Variants in SPAG16 observed in about 807,000 individuals in gnomAD.
SPAG16 encodes the protein sperm associated antigen 16, also known as sperm-associated antigen 16 protein.
Under a neutral mutation model 80.4 loss-of-function variants are expected in SPAG16, and 86 were observed. The ratio of observed to expected loss-of-function variants is 1.07; its 90% CI spans 0.90 to 1.28. SPAG16 has a LOEUF of 1.28. Ranked by LOEUF, SPAG16 falls within the 50% of genes most tolerant of loss-of-function variation. The pLI, the probability that SPAG16 is intolerant of heterozygous loss-of-function variation, is 0.00. For missense variants in SPAG16, 870 were observed against 765.3 expected, an observed-to-expected ratio of 1.14 and a Z score of -1.61; for synonymous variants, 294 against 265.9, an observed-to-expected ratio of 1.11 and a Z score of -1.03.
intron 10 of SPAG16, among the ~76,000 whole-genome samples, chr2:213,583,679 C>T (rs189778467): frequency 9.9e-5 from 15 of 152,242 alleles, no homozygotes; most frequent in Admixed American, 9.2e-4. Context: ...GTTTAAACAT[C>T]TTCTCAGCTG....
intron 13 of SPAG16, among the ~76,000 whole-genome samples, chr2:214,046,733 A>C (rs2049345040): frequency 6.6e-6 from 1 of 152,314 alleles, no homozygotes; most frequent in East Asian, 1.9e-4. Flanking sequence ...CAAATTGGAA[A>C]GGAAGAAGTT....
intron 11 of SPAG16, among the ~76,000 whole-genome samples, chr2:213,885,499 G>A (rs2106048378): frequency 6.6e-6 from 1 of 152,208 alleles, no homozygotes; most frequent in Middle Eastern, 3.4e-3. Flanking sequence ...TAGTTTATCA[G>A]TTACAAAAAT....
At chr2:214,042,007 T>TACAC (rs78420814) in intron 13 of SPAG16, among the ~76,000 whole-genome samples, 24 of 101,224 alleles carry the variant, frequency 2.4e-4, no homozygotes, top group South Asian at 6.5e-4. Flanking sequence ...TATATATATA[T>TACAC]ACACACACAC....
At chr2:214,039,495 CCA>C (rs2048892590) in intron 13 of SPAG16, among the ~76,000 whole-genome samples, 1 of 152,130 alleles carries the variant, frequency 6.6e-6, no homozygotes, top group Non-Finnish European at 1.5e-5. Context: ...AAAGAAACTA[CCA>C]TCAGAGTGAA....
chr2:214,289,950 A>C (rs1275040569), intron 15 of SPAG16, among the ~76,000 whole-genome samples: 1 of 151,928 alleles, frequency 6.6e-6, no homozygotes. Flanking sequence ...ATTTAGGGAG[A>C]GTTCTCACCT....
intron 6 of SPAG16, among the ~76,000 whole-genome samples, chr2:213,343,869 C>T (rs76975810): frequency 0.054 from 8,137 of 152,046 alleles, 700 homozygotes; most frequent in African/African-American, 0.18. Flanking sequence ...AATAGAACCT[C>T]TGGAGCAATA....
intron 15 of SPAG16, among the ~76,000 whole-genome samples, chr2:214,203,517 T>C: frequency 6.6e-6 from 1 of 152,120 alleles, no homozygotes; most frequent in East Asian, 1.9e-4. Context: ...GAAAGGGGGA[T>C]CATCGGCCTG....
chr2:213,901,539 A>T (rs1175538574), intron 11 of SPAG16, among the ~76,000 whole-genome samples: 1 of 152,112 alleles, frequency 6.6e-6, no homozygotes, highest in African/African-American at 2.4e-5. Flanking sequence ...AAGTAATTCT[A>T]TGCTGGTGAA....
rs150333843 is a variant in SPAG16, at chr2:214,275,784, A to G, written c.1720+126518A>G. 3.7e-3 allele frequency among the ~76,000 whole-genome samples: 570 copies of G among 152,202 alleles called. 3 individuals carry two copies. Among genetic ancestry groups the G allele is most frequent in the African/African-American group, 0.013 (550 of 41,518 alleles). On this transcript the variant is annotated intron_variant, in intron 15 of 15. Coordinates refer to ENST00000331683, the MANE Select transcript of SPAG16 (RefSeq NM_024532.5). ...TGTATATTCTGTTGATTTGGGGTAGAGAGTTCTGTAGATGTCTATTAGGTC... is the reference window on the plus strand; with the variant it reads ...TGTATATTCTGTTGATTTGGGGTAGGGAGTTCTGTAGATGTCTATTAGGTC...
chr2:214,410,044 T>C, intron 15 of SPAG16, 96 bp from the exon 16 acceptor site: 1 of 1,376,004 alleles, frequency 7.3e-7, no homozygotes, highest in Non-Finnish European at 1.0e-6. Context: ...AGAATGATAA[T>C]TGAAAAAAAT....
chr2:213,585,645 C>A (rs1198494172), intron 10 of SPAG16, among the ~76,000 whole-genome samples: 3 of 152,174 alleles, frequency 2.0e-5, no homozygotes, highest in African/African-American at 7.2e-5. Flanking sequence ...TCTTGCTAAA[C>A]ATATTAATTT....
intron 15 of SPAG16, among the ~76,000 whole-genome samples, chr2:214,326,631 A>G (rs766656227): frequency 2.0e-5 from 3 of 152,140 alleles, no homozygotes; most frequent in Non-Finnish European, 4.4e-5. Context: ...GGTATTTGTC[A>G]AATATCTTTT....
At chr2:213,714,153 A>G (rs2066129563) in intron 10 of SPAG16, among the ~76,000 whole-genome samples, 1 of 152,164 alleles carries the variant, frequency 6.6e-6, no homozygotes, top group Non-Finnish European at 1.5e-5. Flanking sequence ...GCTCTCTCCA[A>G]GAGGTGGATG....
chr2:214,016,339 C>T (rs1054213170), intron 13 of SPAG16, among the ~76,000 whole-genome samples: 3 of 152,124 alleles, frequency 2.0e-5, no homozygotes, highest in Admixed American at 2.0e-4. Context: ...GGGGAACTCA[C>T]CTTTATAAAA....
intron 15 of SPAG16, among the ~76,000 whole-genome samples, chr2:214,386,208 C>T (rs1301199784): frequency 6.6e-6 from 1 of 152,040 alleles, no homozygotes; most frequent in African/African-American, 2.4e-5. Flanking sequence ...AACCCCATAT[C>T]TACAAAAAAT....
At chr2:213,679,075 C>T (rs115757467) in intron 10 of SPAG16, among the ~76,000 whole-genome samples, 1 of 152,260 alleles carries the variant, frequency 6.6e-6, no homozygotes, top group Non-Finnish European at 1.5e-5. Context: ...TAACGAAGGA[C>T]ACCTTCTCTG....
rs1396706982 is a variant in SPAG16 at position 213,837,698 on chromosome 2, C to T, written c.1071-24787C>T. ...AACCCGGAATCCATAAATATGTTAC[C>T]TTATATAGCAAAAGGCACTTGGTAG... On this transcript the variant is annotated intron_variant, in intron 10 of 15. Transcript: ENST00000331683. 2.0e-5 allele frequency among the ~76,000 whole-genome samples: 3 copies of T among 152,146 alleles called. No individual in the cohort carries two copies. The East Asian group carries it at 5.8e-4, about 29-fold the overall frequency.
intron 10 of SPAG16, among the ~76,000 whole-genome samples, chr2:213,588,201 G>A (rs553546740): frequency 6.7e-4 from 102 of 151,882 alleles, no homozygotes; most frequent in South Asian, 2.7e-3. Context: ...AATATATTAA[G>A]CATCAAAGAC....
chr2:213,432,684 T>G (rs2070380560), intron 9 of SPAG16, among the ~76,000 whole-genome samples: 2 of 152,150 alleles, frequency 1.3e-5, no homozygotes, highest in East Asian at 3.8e-4. Flanking sequence ...AAAGAAAAAC[T>G]GAAACCCATC....
Sources: gnomAD v4.1 joint callset for allele counts (sites outside exome capture counted in the v4.1 genomes callset) on GRCh38, gnomAD v4.1.1 for gene constraint, MANE v1.5 for transcripts, NCBI Gene and HGNC (gene_info 2026-07-23, HGNC 2026-07-21) for gene names.